RNF216: variants seen among roughly 807,000 people sequenced by gnomAD.
RNF216 encodes the protein ring finger protein 216.
In RNF216, 72 loss-of-function variants were observed where a neutral mutation model predicts 110.8. The observed-to-expected ratio is 0.65, with a 90% CI of 0.54 to 0.79. The LOEUF (loss-of-function observed/expected upper bound fraction) is 0.79. RNF216 is among the 30% of genes least tolerant of loss of function. The pLI is 0.00. For synonymous variants in RNF216, 495 were observed against 407.5 expected (o/e 1.21, Z -2.59); for missense variants, 1,342 against 1,141.2 (o/e 1.18, Z -2.54).
At chr7:5,718,569 C>CT (rs1696896295) in intron 9 of RNF216, among the ~76,000 whole-genome samples, 1 of 139,148 alleles carries the variant, frequency 7.2e-6, no homozygotes, top group Admixed American at 7.3e-5. Context: ...TTTTTTGAAA[C>CT]TGAGTCTTGC....
At chr7:5,772,725 A>G (rs561237589) in intron 1 of RNF216, among the ~76,000 whole-genome samples, 1 of 152,152 alleles carries the variant, frequency 6.6e-6, no homozygotes, top group African/African-American at 2.4e-5. Context: ...CCAGGTTAGC[A>G]AAGTTTTACA....
At chr7:5,630,710 C>G (rs852452) in intron 15 of RNF216, among the ~76,000 whole-genome samples, 1 of 151,950 alleles carries the variant, frequency 6.6e-6, no homozygotes, top group Non-Finnish European at 1.5e-5. Flanking sequence ...TCTTATAAAG[C>G]GCCAAGCACA....
intron 16 of RNF216, 92 bp from the exon 17 acceptor site, chr7:5,623,271 G>A: frequency 8.4e-7 from 1 of 1,195,420 alleles, no homozygotes. Context: ...CTGGACACGG[G>A]AGTGGCTCCA....
intron 9 of RNF216, among the ~76,000 whole-genome samples, chr7:5,717,796 T>C (rs1205977222): frequency 6.6e-6 from 1 of 152,148 alleles, no homozygotes; most frequent in Non-Finnish European, 1.5e-5. Context: ...CATTAAATTA[T>C]TTATGAGACA....
At chr7:5,652,383 C>T in intron 14 of RNF216, 30 bp downstream of exon 14, 1 of 1,483,318 alleles carries the variant, frequency 6.7e-7, no homozygotes, top group Non-Finnish European at 9.4e-7. Flanking sequence ...TGAGAATCAG[C>T]CCATAGCCCC....
At chr7:5,700,969 T>C (rs1414315683) in intron 13 of RNF216, among the ~76,000 whole-genome samples, 2 of 152,204 alleles carry the variant, frequency 1.3e-5, no homozygotes, top group East Asian at 3.8e-4. Flanking sequence ...AGGCCCCTCC[T>C]GTACTCATTT....
chr7:5,774,174 T>C (rs1796650141), intron 1 of RNF216, among the ~76,000 whole-genome samples: 2 of 38,094 alleles, frequency 5.3e-5, no homozygotes, highest in South Asian at 2.7e-3. Flanking sequence ...ATACTGCCTA[T>C]GTTTAAATCT....
At chr7:5,730,568 A>C (rs1794027044) in intron 6 of RNF216, 147 bp downstream of exon 6, 1 of 906,060 alleles carries the variant, frequency 1.1e-6, no homozygotes, top group East Asian at 2.6e-5. Context: ...AAGTATAGAT[A>C]TATTCTGAAA....
chr7:5,629,059 T>A (rs953194337), intron 15 of RNF216, among the ~76,000 whole-genome samples: 1 of 151,342 alleles, frequency 6.6e-6, no homozygotes, highest in African/African-American at 2.4e-5. Flanking sequence ...ATTAGCCAGG[T>A]GTGGTGGCGT....
chr7:5,721,044 CT>C lies in RNF216; in HGVS notation c.1632del (p.Glu545ArgfsTer14). 1 of 1,614,232 alleles carries C rather than the reference CT, an allele frequency of 6.2e-7. No homozygotes were observed. The highest frequency in any genetic ancestry group is 8.5e-7 in the Non-Finnish European group (1 of 1,180,040). On this transcript the variant is annotated frameshift_variant, in exon 9 of 17. Transcript: ENST00000389902. LOFTEE classifies it high-confidence loss of function. ...QEQEFYEQKI[K>X]EMAEHEDFLL... ...GCACATCTTCCTACCTCTGCCATCTCTTTGATTTTCTGCTCATAGAACTCCT... is the reference window on the plus strand; with the variant it reads ...GCACATCTTCCTACCTCTGCCATCTCTTGATTTTCTGCTCATAGAACTCCT...
At chr7:5,734,189 T>C (rs1794256904) in intron 5 of RNF216, among the ~76,000 whole-genome samples, 1 of 152,196 alleles carries the variant, frequency 6.6e-6, no homozygotes, top group Non-Finnish European at 1.5e-5. Flanking sequence ...ACATTATTTG[T>C]GACAGTCAGA....
intron 15 of RNF216, among the ~76,000 whole-genome samples, chr7:5,632,472 G>A (rs919027441): frequency 2.0e-5 from 3 of 152,312 alleles, no homozygotes; most frequent in South Asian, 2.1e-4. Context: ...GCTGATCAGC[G>A]ACCAAGGTGT....
intron 13 of RNF216, among the ~76,000 whole-genome samples, chr7:5,707,210 C>G (rs1017669233): frequency 1.3e-5 from 2 of 152,276 alleles, no homozygotes; most frequent in East Asian, 1.9e-4. Context: ...CAGCTTTGTT[C>G]TTCTTTCTTA....
chr7:5,624,010 G>T lies in RNF216; in HGVS notation c.2452+46C>A. 1 of 1,548,460 alleles carries T rather than the reference G, an allele frequency of 6.5e-7. No individual in the cohort carries two copies. The highest frequency in any genetic ancestry group is 8.9e-7 in the Non-Finnish European group (1 of 1,125,594). Reference sequence around the variant, plus strand: ...CAGGGAGGCCAGCAGAAGCCTGCATGGCCTGGCTGCTGCTCTGTCCTGGGG... The same window carrying T: ...CAGGGAGGCCAGCAGAAGCCTGCATTGCCTGGCTGCTGCTCTGTCCTGGGG... On this transcript the variant is annotated intron_variant, in intron 16 of 16. Transcript: ENST00000389902. This position sits in a 1 kb window ranked among gnomAD's most constrained non-coding sequence, Gnocchi z 4.4.
intron 11 of RNF216, among the ~76,000 whole-genome samples, chr7:5,714,620 G>T (rs1792925599): frequency 6.6e-6 from 1 of 152,216 alleles, no homozygotes; most frequent in Non-Finnish European, 1.5e-5. Flanking sequence ...CACAAACTCG[G>T]TGGTGTAAAA....
intron 3 of RNF216, among the ~76,000 whole-genome samples, chr7:5,745,919 C>T (rs1007284399): frequency 1.4e-5 from 2 of 142,092 alleles, no homozygotes; most frequent in African/African-American, 5.2e-5. Context: ...AAAAGAGCAA[C>T]GAGAACACTT....
chr7:5,649,190 T>G (rs1268160279), intron 14 of RNF216, among the ~76,000 whole-genome samples: 1 of 152,030 alleles, frequency 6.6e-6, no homozygotes, highest in Non-Finnish European at 1.5e-5. Context: ...GAGACCAGCT[T>G]GGCCAACCAC....
At chr7:5,670,019 C>T (rs1246847560) in intron 13 of RNF216, among the ~76,000 whole-genome samples, 2 of 152,020 alleles carry the variant, frequency 1.3e-5, no homozygotes, top group African/African-American at 4.8e-5. Context: ...CTCTGCCTCC[C>T]AAGTTCGAGC....
intron 15 of RNF216, among the ~76,000 whole-genome samples, chr7:5,640,307 C>T (rs1004333966): frequency 6.6e-6 from 1 of 152,152 alleles, no homozygotes; most frequent in Non-Finnish European, 1.5e-5. Context: ...AAAACCTTAT[C>T]TTCTCCAAGA....
Sources: allele counts gnomAD v4.1 joint callset (sites outside exome capture counted in the v4.1 genomes callset), GRCh38; gene constraint gnomAD v4.1.1; non-coding constraint Gnocchi (gnomAD v3.1); transcripts MANE v1.5; gene names NCBI Gene and HGNC (gene_info 2026-07-23, HGNC 2026-07-21).